LRBA: variants seen among roughly 807,000 people sequenced by gnomAD.
LRBA encodes LPS responsive beige-like anchor protein, also known as lipopolysaccharide-responsive and beige-like anchor protein.
LRBA carries 176 observed loss-of-function variants against 330.0 expected under a neutral mutation model. The observed-to-expected ratio is 0.53, with a 90% CI of 0.47 to 0.60. The LOEUF (loss-of-function observed/expected upper bound fraction) is 0.60, where lower values mean the gene tolerates loss of function less well. Ranked by LOEUF, LRBA falls within the 20% of genes least tolerant of loss-of-function variation. LRBA has a pLI of 0.00. For missense variants in LRBA, 3,259 were observed against 3,444.8 expected, an observed-to-expected ratio of 0.95 and a Z score of 1.35; for synonymous variants, 1,230 against 1,193.0, an observed-to-expected ratio of 1.03 and a Z score of -0.64.
chr4:150,703,320 C>A (rs1785296101), intron 36 of LRBA, among the ~76,000 whole-genome samples: 1 of 152,128 alleles, frequency 6.6e-6, no homozygotes, highest in South Asian at 2.1e-4. Flanking sequence ...GAAACATTAT[C>A]TTAATATTAA....
rs1237270729 is a variant in LRBA, at chr4:150,867,704, T to C, written c.2733A>G (p.Val911=). 3.7e-6 allele frequency: 6 copies of C among 1,613,382 alleles called. No individual in the cohort carries two copies. Among genetic ancestry groups the C allele is most frequent in the Non-Finnish European group, 5.1e-6 (6 of 1,179,750 alleles). ...AVKYEWGGWR[V]WVDTLSITHS... is the part of the protein sequence containing the mutation. ...GAGTGATTGATAAAGTGTCTACCCA[T>C]ACACGCCAGCCACCCCACTCATATT... The change falls in exon 22 of 57, where the codon GTA becomes GTG. Residue 911 remains valine, a synonymous_variant. Coordinates refer to ENST00000651943, the MANE Select transcript of LRBA (RefSeq NM_001364905.1).
chr4:150,893,170 T>G, intron 16 of LRBA, 21 bp from the exon 17 acceptor site: 1 of 1,492,126 alleles, frequency 6.7e-7, no homozygotes, highest in Non-Finnish European at 9.2e-7. Context: ...TTTAGAAATT[T>G]TTTTTAAAAA....
intron 44 of LRBA, among the ~76,000 whole-genome samples, chr4:150,452,243 A>C (rs1469703336): frequency 6.6e-6 from 1 of 152,210 alleles, no homozygotes; most frequent in African/African-American, 2.4e-5. Context: ...GAAACACTAT[A>C]CAATCAGCCA....
At chr4:150,590,085 T>G (rs144242246) in intron 39 of LRBA, among the ~76,000 whole-genome samples, 48 of 152,312 alleles carry the variant, frequency 3.2e-4, no homozygotes, top group Non-Finnish European at 6.3e-4. Flanking sequence ...CAGACTTTCT[T>G]CCTTGAGGGA....
intron 40 of LRBA, among the ~76,000 whole-genome samples, chr4:150,531,766 G>A (rs1486362486): frequency 6.6e-6 from 1 of 152,120 alleles, no homozygotes; most frequent in Admixed American, 6.6e-5. Context: ...AAAAGACCCA[G>A]TTAAAGTTAA....
chr4:150,351,080 G>A (rs751191859), intron 47 of LRBA, among the ~76,000 whole-genome samples: 9 of 151,956 alleles, frequency 5.9e-5, no homozygotes, highest in Non-Finnish European at 1.3e-4. Flanking sequence ...AATAAATAAC[G>A]AATGAACACA....
intron 2 of LRBA, among the ~76,000 whole-genome samples, chr4:151,005,468 T>C (rs953659504): frequency 4.9e-5 from 7 of 142,802 alleles, no homozygotes; most frequent in African/African-American, 1.9e-4. Context: ...AAAAAAACCC[T>C]GTATATACCA....
chr4:150,428,470 T>C (rs1749934805), intron 46 of LRBA, among the ~76,000 whole-genome samples: 1 of 152,098 alleles, frequency 6.6e-6, no homozygotes. Context: ...AATGAGATGT[T>C]AGTAGTCCCA....
chr4:150,864,023 C>T (rs1560932519), intron 22 of LRBA, among the ~76,000 whole-genome samples: 1 of 151,922 alleles, frequency 6.6e-6, no homozygotes, highest in Non-Finnish European at 1.5e-5. Context: ...ACTGCAACTC[C>T]ACCTCCTGGG....
At chr4:150,453,675 C>G (rs1753664831) in intron 44 of LRBA, among the ~76,000 whole-genome samples, 1 of 152,096 alleles carries the variant, frequency 6.6e-6, no homozygotes, top group South Asian at 2.1e-4. Context: ...GTAAGACAGT[C>G]TCTAATATAT....
intron 37 of LRBA, among the ~76,000 whole-genome samples, chr4:150,652,343 T>A (rs1251857479): frequency 6.6e-6 from 1 of 152,176 alleles, no homozygotes; most frequent in Admixed American, 6.6e-5. Context: ...ATCATATACA[T>A]TCCTCTTTTA....
At chr4:150,794,329 C>G (rs1404988886) in intron 34 of LRBA, among the ~76,000 whole-genome samples, 1 of 151,916 alleles carries the variant, frequency 6.6e-6, no homozygotes, top group Non-Finnish European at 1.5e-5. Flanking sequence ...TAATAATCTT[C>G]TCATACTGAA....
At chr4:150,646,403 C>A (rs548834614) in intron 37 of LRBA, among the ~76,000 whole-genome samples, 2 of 151,966 alleles carry the variant, frequency 1.3e-5, no homozygotes, top group South Asian at 4.2e-4. Flanking sequence ...GTGGTTTAGG[C>A]CAATTAGATA....
At position 150,808,355 on chromosome 4, in the gene LRBA, A is replaced by G. The variant is rs190870071; in HGVS notation, c.5349T>C (p.Val1783=). The change falls in exon 32 of 57, where the codon GTT becomes GTC. Residue 1783 remains valine (V), a synonymous_variant. Coordinates refer to ENST00000651943, the MANE Select transcript of LRBA (RefSeq NM_001364905.1). ...AAACCGGATCTTGTGAAACTGAATC[A>G]ACTGTTGGAACTGAGGGCAATTTTG... ...SNAKLPSVPT[V]DSVSQDPVSN... is the part of the protein sequence containing the mutation. 1.2e-6 allele frequency: 2 copies of G among 1,612,722 alleles called. No homozygotes were observed. The highest frequency in any genetic ancestry group is 2.7e-5 in the African/African-American group (2 of 75,014).
At chr4:150,454,765 G>A (rs1420457536) in intron 44 of LRBA, among the ~76,000 whole-genome samples, 5 of 151,730 alleles carry the variant, frequency 3.3e-5, no homozygotes, top group South Asian at 4.2e-4. Flanking sequence ...TCCAATGTCC[G>A]TTATGCCACT....
chr4:150,319,096 C>T (rs529734745), intron 50 of LRBA, among the ~76,000 whole-genome samples: 3 of 152,262 alleles, frequency 2.0e-5, no homozygotes, highest in South Asian at 4.1e-4. Context: ...TAGTCATCAA[C>T]GCGTAGGGTC....
At chr4:150,557,900 TG>T (rs1203906627) in intron 40 of LRBA, among the ~76,000 whole-genome samples, 6 of 152,250 alleles carry the variant, frequency 3.9e-5, no homozygotes, top group African/African-American at 1.4e-4. Flanking sequence ...CTGTACCCTT[TG>T]TTTTTTTGTT....
At chr4:150,410,691 C>T (rs1746858513) in intron 47 of LRBA, among the ~76,000 whole-genome samples, 1 of 152,060 alleles carries the variant, frequency 6.6e-6, no homozygotes, top group Non-Finnish European at 1.5e-5. Context: ...TCTTATTCAT[C>T]GAATCTAATA....
At chr4:150,557,526 A>C (rs1252785489) in intron 40 of LRBA, among the ~76,000 whole-genome samples, 1 of 150,986 alleles carries the variant, frequency 6.6e-6, no homozygotes. Context: ...GATCCCATCC[A>C]AGACACCACA....
Sources: gnomAD v4.1 joint callset for allele counts (sites outside exome capture counted in the v4.1 genomes callset) on GRCh38, gnomAD v4.1.1 for gene constraint, MANE v1.5 for transcripts, NCBI Gene and HGNC (gene_info 2026-07-23, HGNC 2026-07-21) for gene names.